CSNK2A2: variants seen among roughly 807,000 people sequenced by gnomAD.
The protein encoded by CSNK2A2 is casein kinase 2 alpha 2.
A neutral mutation model predicts 54.0 loss-of-function variants in CSNK2A2; 8 were observed. That is an observed-to-expected ratio of 0.15 (90% CI 0.09 to 0.27). CSNK2A2 has a LOEUF of 0.27. Ranked by LOEUF, CSNK2A2 falls within the 10% of genes least tolerant of loss-of-function variation. The probability of loss-of-function intolerance (pLI) is 1.00; values close to 1 mark genes in which losing one functional copy is unlikely to be tolerated. For missense variants in CSNK2A2, 242 were observed against 439.4 expected (o/e 0.55, Z 4.02); for synonymous variants, 141 against 153.9 (o/e 0.92, Z 0.62).
intron 2 of CSNK2A2, among the ~76,000 whole-genome samples, chr16:58,189,277 A>G (rs147548744): frequency 6.6e-6 from 1 of 152,312 alleles, no homozygotes; most frequent in African/African-American, 2.4e-5. Flanking sequence ...TCTTATACTT[A>G]TAAATTCAGC....
chr16:58,186,437 A>G (rs1382815642), intron 3 of CSNK2A2, among the ~76,000 whole-genome samples: 2 of 152,340 alleles, frequency 1.3e-5, no homozygotes, highest in East Asian at 3.9e-4. Flanking sequence ...ACAAATTGGC[A>G]GTAATGAACT....
In CSNK2A2 at chr16:58,197,625, G is replaced by A. The variant is rs746514351; in HGVS notation, c.104+8C>T. The A allele has an allele frequency of 2.6e-6, 4 of 1,552,942 alleles. No individual in the cohort carries two copies. Among genetic ancestry groups the A allele is most frequent in the East Asian group, 2.5e-5 (1 of 39,956 alleles). ...AGCGGGCCCGGCGGGGGGCGGCGACGGCTTTACCCCCAGCTCGGGACGTGA... is the reference window on the plus strand; with the variant it reads ...AGCGGGCCCGGCGGGGGGCGGCGACAGCTTTACCCCCAGCTCGGGACGTGA... On this transcript the variant is annotated splice_region_variant and intron_variant, in intron 1 of 11. Transcript: ENST00000262506. This position sits in a 1 kb window ranked among gnomAD's most constrained non-coding sequence, Gnocchi z 4.0.
rs911385876 is a variant in CSNK2A2, at chr16:58,197,128, A to G, written c.105-284T>C. On this transcript the variant is annotated intron_variant, in intron 1 of 11. Coordinates refer to ENST00000262506, the MANE Select transcript of CSNK2A2 (RefSeq NM_001896.4). The surrounding 1 kb of genome is among the most constrained non-coding windows in gnomAD (Gnocchi z 4.0). ...AGCAAAGCACCCGTCCTGAAGGCCT[A>G]GAGGGTGCCCCCTGTGCCCCGCGGC... 1 of 412,198 alleles carries G rather than the reference A, an allele frequency of 2.4e-6. No individual in the cohort carries two copies. The highest frequency in any genetic ancestry group is 6.9e-4 in the Middle Eastern group (1 of 1,442). The allele number at this position is 412,198 out of a possible 1,614,324, so 25.5% of individuals were successfully genotyped here.
In CSNK2A2 at chr16:58,197,450, G is replaced by C. The variant is rs1335447684; in HGVS notation, c.104+183C>G. ...GTGCGCAAAGCGGGGAGAAAGGGACGAAACGGGGGTAAAGGGGAGGGAAGA... is the reference window on the plus strand; with the variant it reads ...GTGCGCAAAGCGGGGAGAAAGGGACCAAACGGGGGTAAAGGGGAGGGAAGA... On this transcript the variant is annotated intron_variant, in intron 1 of 11. Transcript: ENST00000262506. The surrounding 1 kb of genome is among the most constrained non-coding windows in gnomAD (Gnocchi z 4.0). 6.6e-6 allele frequency among the ~76,000 whole-genome samples: 1 copy of C among 152,184 alleles called. No homozygotes were observed. Among genetic ancestry groups the C allele is most frequent in the Non-Finnish European group, 1.5e-5 (1 of 68,030 alleles).
intron 3 of CSNK2A2, 58 bp from the exon 4 acceptor site, chr16:58,184,368 C>T: frequency 7.5e-7 from 1 of 1,326,240 alleles, no homozygotes; most frequent in African/African-American, 1.5e-5. Context: ...ATGTAATCTG[C>T]TTCTGCCAAA....
intron 3 of CSNK2A2, among the ~76,000 whole-genome samples, chr16:58,185,153 G>GA (rs59367405): frequency 0.016 from 2,367 of 144,690 alleles, 45 homozygotes; most frequent in East Asian, 0.079. Context: ...AGGGGTTATA[G>GA]AAAAAAAAAA....
chr16:58,180,117 A>AT (rs748438734), intron 4 of CSNK2A2, among the ~76,000 whole-genome samples: 93 of 151,748 alleles, frequency 6.1e-4, no homozygotes, highest in Admixed American at 1.4e-3. Flanking sequence ...ACAGAATCCA[A>AT]TGAGTTTAAT....
chr16:58,164,050 T>C lies in CSNK2A2; in HGVS notation c.*17+4A>G. ...TTTATTGGCAAGCATCAATGCCGCA[T>C]TACCCGTCGCTTTCCAGTCTTCATC... On this transcript the variant is annotated splice_donor_region_variant and intron_variant, in intron 11 of 11. Coordinates refer to ENST00000262506, the MANE Select transcript of CSNK2A2 (RefSeq NM_001896.4). 1 of 1,608,904 alleles carries C rather than the reference T, an allele frequency of 6.2e-7. No homozygotes were observed.
intron 2 of CSNK2A2, among the ~76,000 whole-genome samples, chr16:58,188,417 C>G (rs1418535275): frequency 6.6e-6 from 1 of 152,166 alleles, no homozygotes; most frequent in Non-Finnish European, 1.5e-5. Context: ...TAAAAAATAG[C>G]CAGGGAAGGA....
chr16:58,162,788 A>C (rs1657191956), intron 11 of CSNK2A2: 1 of 152,126 alleles, frequency 6.6e-6, no homozygotes, highest in Non-Finnish European at 1.5e-5. Flanking sequence ...TTGTTTAAAC[A>C]AACTCTAGCT....
chr16:58,182,227 T>C (rs1962060013), intron 4 of CSNK2A2, among the ~76,000 whole-genome samples: 3 of 151,576 alleles, frequency 2.0e-5, no homozygotes, highest in Admixed American at 2.0e-4. Flanking sequence ...AGAGCAGATG[T>C]CACTTTAAGA....
chr16:58,183,931 A>G (rs1962128236), intron 4 of CSNK2A2, among the ~76,000 whole-genome samples: 1 of 151,902 alleles, frequency 6.6e-6, no homozygotes, highest in African/African-American at 2.4e-5. Flanking sequence ...TCCTCTCGGC[A>G]AAGTAAGATT....
chr16:58,184,566 A>G (rs539564334), intron 3 of CSNK2A2, among the ~76,000 whole-genome samples: 77 of 152,360 alleles, frequency 5.1e-4, no homozygotes, highest in African/African-American at 1.8e-3. Context: ...ATTAACTGCT[A>G]AAGTTGGGTC....
chr16:58,187,887 T>C lies in CSNK2A2; in HGVS notation c.217-1031A>G, dbSNP rs1195628883. 2.6e-5 allele frequency among the ~76,000 whole-genome samples: 4 copies of C among 152,248 alleles called. No individual in the cohort carries two copies. In the East Asian group the frequency reaches 7.7e-4, roughly 29 times the overall value. ...CATGCTATACTCTTGCCACAGTGCT[T>C]TTGTTTCCCAAGTGTGGCTAACGGG... On this transcript the variant is annotated intron_variant, in intron 2 of 11. Transcript: ENST00000262506.
Position 58,167,312 on chromosome 16 carries a change from A to G in CSNK2A2, c.625-4T>C. On this transcript the variant is annotated splice_region_variant and splice_polypyrimidine_tract_variant and intron_variant, in intron 7 of 11. Transcript: ENST00000262506. ...TGTCCAAGCTATAATCATACATCTGAGGCAATAAGGACAACGCATTAGCCA... is the reference window on the plus strand; with the variant it reads ...TGTCCAAGCTATAATCATACATCTGGGGCAATAAGGACAACGCATTAGCCA... The G allele has an allele frequency of 1.2e-6, 2 of 1,604,160 alleles. No homozygotes were observed. The highest frequency in any genetic ancestry group is 8.5e-7 in the Non-Finnish European group (1 of 1,173,592).
intron 10 of CSNK2A2, among the ~76,000 whole-genome samples, chr16:58,164,948 C>T (rs903710587): frequency 6.6e-6 from 1 of 152,224 alleles, no homozygotes; most frequent in African/African-American, 2.4e-5. Context: ...AGTCTCTCAA[C>T]CTCCCTGCTC....
chr16:58,188,200 C>A (rs929671760), intron 2 of CSNK2A2, among the ~76,000 whole-genome samples: 1 of 152,208 alleles, frequency 6.6e-6, no homozygotes, highest in African/African-American at 2.4e-5. Flanking sequence ...GGGGGCTCAA[C>A]TGACAGGCTG....
At chr16:58,196,328 G>A (rs1286432169) in intron 2 of CSNK2A2, among the ~76,000 whole-genome samples, 3 of 152,132 alleles carry the variant, frequency 2.0e-5, no homozygotes, top group African/African-American at 7.2e-5. Context: ...TTTGAGCGTC[G>A]GCTGGGCACA....
At chr16:58,175,777 G>C (rs1050003919) in intron 4 of CSNK2A2, among the ~76,000 whole-genome samples, 2 of 152,178 alleles carry the variant, frequency 1.3e-5, no homozygotes, top group Non-Finnish European at 2.9e-5. Context: ...TTAGGTAAGA[G>C]TAATTCCCCC....
Sources: allele counts gnomAD v4.1 joint callset (sites outside exome capture counted in the v4.1 genomes callset), GRCh38; gene constraint gnomAD v4.1.1; non-coding constraint Gnocchi (gnomAD v3.1); transcripts MANE v1.5; gene names NCBI Gene and HGNC (gene_info 2026-07-23, HGNC 2026-07-21).